The following LHFPL6 variants were observed in gnomAD, a reference collection of about 807,000 sequenced individuals.
LHFPL6 encodes LHFPL tetraspan subfamily member 6 protein.
LHFPL6 carries 9 observed loss-of-function variants against 20.6 expected under a neutral mutation model. The ratio of observed to expected loss-of-function variants is 0.44; its 90% CI spans 0.26 to 0.76. The LOEUF (loss-of-function observed/expected upper bound fraction) is 0.76, where lower values mean the gene tolerates loss of function less well. LHFPL6 is among the 30% of genes least tolerant of loss of function. LHFPL6 has a pLI of 0.20. For synonymous variants in LHFPL6, 105 were observed against 98.7 expected (o/e 1.06, Z -0.38); for missense variants, 218 against 253.5 (o/e 0.86, Z 0.95).
chr13:39,582,176 G>A (rs962641320), intron 2 of LHFPL6, among the ~76,000 whole-genome samples: 5 of 152,250 alleles, frequency 3.3e-5, no homozygotes, highest in Middle Eastern at 3.4e-3. Flanking sequence ...CTCATTCTAC[G>A]AGGCTCATGG....
chr13:39,391,882 G>A (rs1870715792), intron 2 of LHFPL6, among the ~76,000 whole-genome samples: 1 of 152,128 alleles, frequency 6.6e-6, no homozygotes, highest in African/African-American at 2.4e-5. Flanking sequence ...TGAAAAAACA[G>A]TAAAACCATC....
chr13:39,463,363 A>G (rs919525316), intron 2 of LHFPL6, among the ~76,000 whole-genome samples: 1 of 152,184 alleles, frequency 6.6e-6, no homozygotes, highest in African/African-American at 2.4e-5. Flanking sequence ...GCCAAAATCT[A>G]TAGTGAATCT....
chr13:39,521,259 T>C (rs935234607), intron 2 of LHFPL6, among the ~76,000 whole-genome samples: 2 of 152,170 alleles, frequency 1.3e-5, no homozygotes, highest in Non-Finnish European at 2.9e-5. Flanking sequence ...ATTTTTAAAC[T>C]ACCTCGCTAT....
chr13:39,349,559 A>G (rs1362458491), intron 3 of LHFPL6, among the ~76,000 whole-genome samples: 1 of 152,246 alleles, frequency 6.6e-6, no homozygotes, highest in African/African-American at 2.4e-5. Flanking sequence ...GGAATAATAT[A>G]ATTCCTGCTA....
intron 2 of LHFPL6, among the ~76,000 whole-genome samples, chr13:39,466,079 G>C (rs1352908674): frequency 6.6e-6 from 1 of 152,094 alleles, no homozygotes; most frequent in Non-Finnish European, 1.5e-5. Context: ...GAGTAGAGTG[G>C]GTTCCTCTTC....
At chr13:39,540,145 C>T (rs1343119672) in intron 2 of LHFPL6, among the ~76,000 whole-genome samples, 3 of 151,968 alleles carry the variant, frequency 2.0e-5, no homozygotes, top group African/African-American at 4.8e-5. Context: ...GGGTGAAACT[C>T]CTGCCAAGTT....
intron 2 of LHFPL6, among the ~76,000 whole-genome samples, chr13:39,430,484 A>G (rs552993683): frequency 6.6e-6 from 1 of 152,308 alleles, no homozygotes; most frequent in East Asian, 1.9e-4. Context: ...CCTTGCCAAT[A>G]CATGTCTGAG....
chr13:39,589,829 T>C (rs1872548957), intron 2 of LHFPL6, among the ~76,000 whole-genome samples: 1 of 152,208 alleles, frequency 6.6e-6, no homozygotes, highest in Non-Finnish European at 1.5e-5. Context: ...TGGTCAGATA[T>C]TTTGGCATTC....
chr13:39,599,257 A>G (rs1872857974), intron 2 of LHFPL6, among the ~76,000 whole-genome samples: 1 of 152,236 alleles, frequency 6.6e-6, no homozygotes. Context: ...GAAACTGCTT[A>G]AGCATTTTTC....
chr13:39,445,510 G>C (rs909500776), intron 2 of LHFPL6, among the ~76,000 whole-genome samples: 3 of 152,196 alleles, frequency 2.0e-5, no homozygotes, highest in African/African-American at 4.8e-5. Context: ...TCTTAGTATA[G>C]AACAGATTTC....
rs73453080 is a variant in LHFPL6, at chr13:39,391,056, G to A, written c.386-12530C>T. On this transcript the variant is annotated intron_variant, in intron 2 of 3. Coordinates refer to ENST00000379589, the MANE Select transcript of LHFPL6 (RefSeq NM_005780.3). The stretch of plus-strand genomic sequence containing the variant: ...CAATCCAAAAACAGTAATGCAGAAA[G>A]TATCAATTGAAAAGCCTCAGTACTA... Among the ~76,000 whole-genome samples the A allele has an allele frequency of 5.3e-3, 807 of 152,170 alleles. 12 individuals are homozygous for A. The highest frequency in any genetic ancestry group is 0.018 in the African/African-American group (764 of 41,516).
chr13:39,453,824 C>T (rs1181106961), intron 2 of LHFPL6, among the ~76,000 whole-genome samples: 1 of 152,188 alleles, frequency 6.6e-6, no homozygotes, highest in Non-Finnish European at 1.5e-5. Flanking sequence ...AAGAATTCAA[C>T]AAGCAAGTCG....
intron 2 of LHFPL6, among the ~76,000 whole-genome samples, chr13:39,462,277 A>T (rs1380761306): frequency 1.3e-5 from 2 of 152,208 alleles, no homozygotes; most frequent in Non-Finnish European, 1.5e-5. Context: ...GGATTTATTT[A>T]TCAAAATGTC....
At chr13:39,344,748 C>A (rs1203739967) in intron 3 of LHFPL6, among the ~76,000 whole-genome samples, 4 of 152,152 alleles carry the variant, frequency 2.6e-5, no homozygotes, top group African/African-American at 9.7e-5. Context: ...TCTGTATTGT[C>A]TTTGTCAATT....
chr13:39,347,611 TTA>T (rs199568576), intron 3 of LHFPL6, among the ~76,000 whole-genome samples: 6,805 of 152,194 alleles, frequency 0.045, 349 homozygotes, highest in African/African-American at 0.13. Flanking sequence ...ATGACCTCCA[TTA>T]ATACAGATAG....
intron 3 of LHFPL6, among the ~76,000 whole-genome samples, chr13:39,369,670 A>G (rs937743781): frequency 2.2e-5 from 3 of 134,944 alleles, no homozygotes; most frequent in Non-Finnish European, 4.7e-5. Flanking sequence ...TAACCATTCA[A>G]TAGATGGCAG....
At position 39,601,080 on chromosome 13, in the gene LHFPL6, G is replaced by T; in HGVS notation, c.137C>A (p.Thr46Asn). Residue 46 changes from threonine (T) to asparagine (N), a missense_variant, in exon 2 of 4, where the codon ACC becomes AAC. By Grantham distance (65) the Thr-to-Asn change is moderately conservative. Coordinates refer to ENST00000379589, the MANE Select transcript of LHFPL6 (RefSeq NM_005780.3). ...SQLGKPVSFG[T>N]FRRCSYPVHD... ...CACAGGATATGAGCACCTCCGGAAG[G>T]TACCGAAGGACACAGGCTTGCCCAG... 5 of 1,614,184 alleles carry T rather than the reference G, an allele frequency of 3.1e-6. No individual in the cohort carries two copies. In the Admixed American group the frequency reaches 6.7e-5, roughly 22 times the overall value.
chr13:39,412,709 G>A (rs569065794), intron 2 of LHFPL6, among the ~76,000 whole-genome samples: 2 of 152,148 alleles, frequency 1.3e-5, no homozygotes, highest in South Asian at 2.1e-4. Flanking sequence ...TGGATCACGA[G>A]GTCAGGAATT....
intron 2 of LHFPL6, among the ~76,000 whole-genome samples, chr13:39,414,451 T>C (rs1871301581): frequency 6.6e-6 from 1 of 152,214 alleles, no homozygotes; most frequent in Non-Finnish European, 1.5e-5. Context: ...TATTTTATAA[T>C]ACCACATTAT....
Sources: gnomAD v4.1 joint callset for allele counts (sites outside exome capture counted in the v4.1 genomes callset) on GRCh38, gnomAD v4.1.1 for gene constraint, MANE v1.5 for transcripts, NCBI Gene and HGNC (gene_info 2026-07-23, HGNC 2026-07-21) for gene names.